DTWD2: variants seen among roughly 807,000 people sequenced by gnomAD.
The protein encoded by DTWD2 is DTW motif tRNA-uridine aminocarboxypropyltransferase 2.
Under a neutral mutation model 31.8 loss-of-function variants are expected in DTWD2, and 39 were observed. That is an observed-to-expected ratio of 1.22 (90% CI 0.95 to 1.60). The LOEUF (loss-of-function observed/expected upper bound fraction) is 1.60, where lower values mean the gene tolerates loss of function less well. Among genes scored for constraint, DTWD2 ranks in the 40% most tolerant of loss-of-function variants. The probability of loss-of-function intolerance (pLI) is 0.00; values close to 1 mark genes in which losing one functional copy is unlikely to be tolerated. For synonymous variants in DTWD2, 180 were observed against 142.8 expected (o/e 1.26, Z -1.86); for missense variants, 515 against 381.5 (o/e 1.35, Z -2.92).
Position 118,970,751 on chromosome 5 carries a change from T to G in DTWD2, c.218+17543A>C, listed in dbSNP as rs117472730. On this transcript the variant is annotated intron_variant, in intron 1 of 5. Coordinates refer to ENST00000510708, the MANE Select transcript of DTWD2 (RefSeq NM_173666.4). ...AGGGCAGCCAGAGAGAAACGCCAGG[T>G]AACCTACAAAGAGAAGTCCATCAGA... Among the ~76,000 whole-genome samples the G allele has an allele frequency of 4.2e-3, 644 of 152,120 alleles. 42 individuals are homozygous for G. The East Asian group carries it at 0.1, about 24-fold the overall frequency.
At chr5:118,847,426 T>C (rs1217537914) in intron 5 of DTWD2, among the ~76,000 whole-genome samples, 1 of 152,154 alleles carries the variant, frequency 6.6e-6, no homozygotes, top group Non-Finnish European at 1.5e-5. Flanking sequence ...TTAGGTTTTA[T>C]TTTACTATTT....
chr5:118,981,159 A>C (rs971681104), intron 1 of DTWD2, among the ~76,000 whole-genome samples: 3 of 152,226 alleles, frequency 2.0e-5, no homozygotes, highest in Non-Finnish European at 4.4e-5. Context: ...AGAAACAAAA[A>C]GTAGAATAGA....
intron 4 of DTWD2, among the ~76,000 whole-genome samples, chr5:118,876,820 C>T (rs949121135): frequency 2.6e-5 from 4 of 152,164 alleles, no homozygotes; most frequent in Non-Finnish European, 5.9e-5. Flanking sequence ...TGGTATCATT[C>T]CAACTAAAAC....
At chr5:118,934,461 T>C (rs1477638260) in intron 3 of DTWD2, among the ~76,000 whole-genome samples, 3 of 151,842 alleles carry the variant, frequency 2.0e-5, no homozygotes, top group African/African-American at 7.2e-5. Context: ...TGGAATTATA[T>C]TTTTATAAGG....
At chr5:118,857,152 G>GAAAAT (rs766126921) in intron 4 of DTWD2, among the ~76,000 whole-genome samples, 5 of 152,000 alleles carry the variant, frequency 3.3e-5, no homozygotes, top group Non-Finnish European at 7.4e-5. Flanking sequence ...AAAAAAGTTT[G>GAAAAT]AAAATTGTAA....
At chr5:118,963,529 C>T (rs1339603478) in intron 1 of DTWD2, among the ~76,000 whole-genome samples, 1 of 152,092 alleles carries the variant, frequency 6.6e-6, no homozygotes, top group Non-Finnish European at 1.5e-5. Flanking sequence ...CCCTTCTTTA[C>T]CTAAAATATA....
intron 1 of DTWD2, chr5:118,974,734 T>G (rs1755107332): frequency 2.1e-6 from 1 of 474,306 alleles, no homozygotes; most frequent in South Asian, 1.7e-5. Context: ...TTATTTTTTT[T>G]GGCCTGTTTG....
chr5:118,978,601 C>A (rs752100428), intron 1 of DTWD2, among the ~76,000 whole-genome samples: 1 of 152,150 alleles, frequency 6.6e-6, no homozygotes, highest in Non-Finnish European at 1.5e-5. Flanking sequence ...AGAAGACATT[C>A]ATGTGGCCAA....
At chr5:118,958,528 C>A (rs1580437450) in intron 1 of DTWD2, among the ~76,000 whole-genome samples, 1 of 150,178 alleles carries the variant, frequency 6.7e-6, no homozygotes, top group Non-Finnish European at 1.5e-5. Flanking sequence ...AAAAGAAAAT[C>A]CAAATAAAGA....
chr5:118,908,437 G>A (rs1295584294), intron 4 of DTWD2, among the ~76,000 whole-genome samples: 2 of 152,164 alleles, frequency 1.3e-5, no homozygotes, highest in East Asian at 3.9e-4. Flanking sequence ...GTAAACTATG[G>A]CTCAGAGAAA....
chr5:118,922,838 T>A (rs1753732662), intron 4 of DTWD2, among the ~76,000 whole-genome samples: 1 of 152,166 alleles, frequency 6.6e-6, no homozygotes, highest in Non-Finnish European at 1.5e-5. Flanking sequence ...AATAAGGGTA[T>A]CACTCTCCAC....
intron 1 of DTWD2, among the ~76,000 whole-genome samples, chr5:118,957,812 T>G (rs1302989953): frequency 6.6e-6 from 1 of 152,130 alleles, no homozygotes; most frequent in Non-Finnish European, 1.5e-5. Flanking sequence ...ACCCGAAATA[T>G]ATATTGTGCT....
chr5:118,873,685 C>G (rs1002543922), intron 4 of DTWD2, among the ~76,000 whole-genome samples: 5 of 152,326 alleles, frequency 3.3e-5, no homozygotes, highest in Admixed American at 1.3e-4. Flanking sequence ...CCAGCATGGC[C>G]CGCTTTCACC....
At chr5:118,926,050 CA>C (rs1753801891) in intron 4 of DTWD2, among the ~76,000 whole-genome samples, 1 of 152,080 alleles carries the variant, frequency 6.6e-6, no homozygotes, top group South Asian at 2.1e-4. Flanking sequence ...CTGGACAACA[CA>C]GTGGGACCTC....
At chr5:118,877,783 A>AT (rs1179744586) in intron 4 of DTWD2, among the ~76,000 whole-genome samples, 2 of 152,204 alleles carry the variant, frequency 1.3e-5, no homozygotes, top group Non-Finnish European at 1.5e-5. Flanking sequence ...ACATGATCCT[A>AT]TAGCTAGAAA....
intron 4 of DTWD2, 45 bp downstream of exon 4, chr5:118,928,483 CAATATACCT>C: frequency 8.0e-7 from 1 of 1,251,690 alleles, no homozygotes; most frequent in Non-Finnish European, 1.0e-6. Flanking sequence ...AAAACATACA[CAATATACCT>C]AATTATATAT....
intron 1 of DTWD2, among the ~76,000 whole-genome samples, chr5:118,961,078 TA>T (rs55699245): frequency 6.7e-6 from 1 of 150,258 alleles, no homozygotes; most frequent in Non-Finnish European, 1.5e-5. Flanking sequence ...AACTAAAAGT[TA>T]AAAAAAAAAG....
At position 118,843,351 on chromosome 5, in the gene DTWD2, GAGGGAGGA is replaced by G. The variant is rs112226350; in HGVS notation, c.727-2272_727-2265del. 1.1e-3 allele frequency among the ~76,000 whole-genome samples: 169 copies of G among 150,918 alleles called. 1 individual carries two copies. Among genetic ancestry groups the G allele is most frequent in the East Asian group, 6.6e-3 (34 of 5,154 alleles). On this transcript the variant is annotated intron_variant, in intron 5 of 5. Transcript: ENST00000510708. ...GAAGCGAGGGAGGGAGGGAGGCAGG[GAGGGAGGA>G]AGGGAGGAAGGGAGGAAGGAAGGAG...
chr5:118,866,691 G>T (rs980203542), intron 4 of DTWD2, among the ~76,000 whole-genome samples: 7 of 152,038 alleles, frequency 4.6e-5, no homozygotes, highest in African/African-American at 1.7e-4. Context: ...GCCCAAGAAG[G>T]GCGAATCATG....
Sources: allele counts gnomAD v4.1 joint callset (sites outside exome capture counted in the v4.1 genomes callset), GRCh38; gene constraint gnomAD v4.1.1; transcripts MANE v1.5; gene names NCBI Gene and HGNC (gene_info 2026-07-23, HGNC 2026-07-21).